The following SPAG16 variants were observed in gnomAD, a reference collection of about 807,000 sequenced individuals.
SPAG16 encodes sperm associated antigen 16.
In SPAG16, 86 loss-of-function variants were observed where a neutral mutation model predicts 80.4. The ratio of observed to expected loss-of-function variants is 1.07; its 90% CI spans 0.90 to 1.28. SPAG16 has a LOEUF of 1.28. Among genes scored for constraint, SPAG16 ranks in the 50% most tolerant of loss-of-function variants. SPAG16 has a pLI of 0.00. For synonymous variants in SPAG16, 294 were observed against 265.9 expected, an observed-to-expected ratio of 1.11 and a Z score of -1.03; for missense variants, 870 against 765.3, an observed-to-expected ratio of 1.14 and a Z score of -1.61.
chr2:213,355,765 C>A (rs1431974367), intron 7 of SPAG16, among the ~76,000 whole-genome samples: 1 of 152,130 alleles, frequency 6.6e-6, no homozygotes, highest in African/African-American at 2.4e-5. Flanking sequence ...AGATTTTGGG[C>A]TGAGATGATG....
chr2:213,405,575 CCTT>C (rs1220267984), intron 9 of SPAG16, among the ~76,000 whole-genome samples: 2 of 152,094 alleles, frequency 1.3e-5, no homozygotes, highest in Non-Finnish European at 2.9e-5. Context: ...AGAACTTATT[CCTT>C]CTATATAACT....
chr2:214,338,023 C>CT, intron 15 of SPAG16, among the ~76,000 whole-genome samples: 1 of 152,086 alleles, frequency 6.6e-6, no homozygotes, highest in Middle Eastern at 3.4e-3. Flanking sequence ...ATAACATACT[C>CT]TTTTTTTAGA....
rs903056900 is a variant in SPAG16, at chr2:214,063,517, C to T, written c.1528-44679C>T. On this transcript the variant is annotated intron_variant, in intron 13 of 15. Coordinates refer to ENST00000331683, the MANE Select transcript of SPAG16 (RefSeq NM_024532.5). ...GTCAACAATGGGGCAATTACTAGTT[C>T]CCTCCAGCTTTTTTATCAGGTCACT... Among the ~76,000 whole-genome samples, 16 of 152,064 alleles carry T rather than the reference C, an allele frequency of 1.1e-4. 1 individual carries two copies. The highest frequency in any genetic ancestry group is 2.1e-4 in the Non-Finnish European group (14 of 68,012).
At chr2:213,298,484 G>A (rs1394158338) in intron 3 of SPAG16, among the ~76,000 whole-genome samples, 1 of 152,126 alleles carries the variant, frequency 6.6e-6, no homozygotes. Context: ...CCACTCATTT[G>A]TATCGGTATT....
chr2:213,613,393 C>G (rs13029290), intron 10 of SPAG16, among the ~76,000 whole-genome samples: 40,696 of 152,130 alleles, frequency 0.27, 6,366 homozygotes, highest in Middle Eastern at 0.42. Flanking sequence ...GACCTTATCT[C>G]CTAATGCTCT....
At chr2:213,905,053 G>T (rs1034186320) in intron 11 of SPAG16, among the ~76,000 whole-genome samples, 1 of 152,130 alleles carries the variant, frequency 6.6e-6, no homozygotes, top group East Asian at 1.9e-4. Context: ...GAAGCTACTT[G>T]TACAATTCAG....
chr2:214,065,739 C>A (rs1004840706), intron 13 of SPAG16, among the ~76,000 whole-genome samples: 3 of 151,982 alleles, frequency 2.0e-5, no homozygotes, highest in Non-Finnish European at 4.4e-5. Flanking sequence ...ATGTGAGGGC[C>A]TGGTTAAAAT....
At chr2:214,262,448 A>G (rs553361960) in intron 15 of SPAG16, among the ~76,000 whole-genome samples, 1 of 152,052 alleles carries the variant, frequency 6.6e-6, no homozygotes, top group Admixed American at 6.6e-5. Context: ...TCATTATCTT[A>G]ACAATAATGT....
intron 15 of SPAG16, among the ~76,000 whole-genome samples, chr2:214,164,925 T>A (rs1002487718): frequency 6.6e-6 from 1 of 152,042 alleles, no homozygotes; most frequent in Non-Finnish European, 1.5e-5. Flanking sequence ...TAATGAAAAA[T>A]TTTGTAAACT....
At chr2:214,160,054 A>G (rs1243626069) in intron 15 of SPAG16, among the ~76,000 whole-genome samples, 6 of 151,992 alleles carry the variant, frequency 3.9e-5, no homozygotes, top group African/African-American at 4.8e-5. Flanking sequence ...GCAAATTGAA[A>G]CAATAGACAT....
At chr2:213,781,966 T>C (rs2070007983) in intron 10 of SPAG16, among the ~76,000 whole-genome samples, 1 of 152,190 alleles carries the variant, frequency 6.6e-6, no homozygotes, top group South Asian at 2.1e-4. Flanking sequence ...ACGTTTTCTA[T>C]AGCAATAACT....
intron 13 of SPAG16, among the ~76,000 whole-genome samples, chr2:214,027,055 A>T (rs1049206558): frequency 2.6e-5 from 4 of 151,456 alleles, no homozygotes; most frequent in Non-Finnish European, 5.9e-5. Context: ...TTATTTTTAG[A>T]TTTTTTTCAT....
intron 10 of SPAG16, among the ~76,000 whole-genome samples, chr2:213,761,517 A>G (rs763797171): frequency 1.3e-5 from 2 of 152,166 alleles, no homozygotes; most frequent in Non-Finnish European, 1.5e-5. Context: ...AGCTAAATAA[A>G]CTAATAAAAA....
intron 12 of SPAG16, among the ~76,000 whole-genome samples, chr2:213,947,923 CTA>C (rs1292951621): frequency 6.6e-6 from 1 of 151,942 alleles, no homozygotes; most frequent in East Asian, 1.9e-4. Flanking sequence ...TTTGACTGTT[CTA>C]TTTTCCTTGT....
chr2:213,911,453 C>T (rs117964843), intron 11 of SPAG16, among the ~76,000 whole-genome samples: 3 of 152,290 alleles, frequency 2.0e-5, no homozygotes, highest in Non-Finnish European at 4.4e-5. Context: ...CCAATAGTTA[C>T]AAGCTCTTAT....
intron 13 of SPAG16, among the ~76,000 whole-genome samples, chr2:214,103,967 G>A (rs1378150714): frequency 3.3e-5 from 3 of 89,788 alleles, no homozygotes; most frequent in Non-Finnish European, 8.1e-5. Context: ...GAGACAGTGA[G>A]AGAGGGAGGG....
chr2:214,021,077 C>T (rs1307542034), intron 13 of SPAG16, among the ~76,000 whole-genome samples: 3 of 152,126 alleles, frequency 2.0e-5, no homozygotes, highest in South Asian at 2.1e-4. Context: ...TGCCTATTAT[C>T]ACAAAAAAGG....
intron 10 of SPAG16, among the ~76,000 whole-genome samples, chr2:213,837,146 C>T (rs1354683402): frequency 6.6e-6 from 1 of 152,076 alleles, no homozygotes; most frequent in Non-Finnish European, 1.5e-5. Context: ...TTATGAATAC[C>T]ATATTATAGG....
At chr2:213,867,030 CTGAT>C (rs1441188194) in intron 11 of SPAG16, among the ~76,000 whole-genome samples, 4 of 152,052 alleles carry the variant, frequency 2.6e-5, no homozygotes, top group Non-Finnish European at 4.4e-5. Flanking sequence ...ATACACATAA[CTGAT>C]TATTTCTATC....
Sources: gnomAD v4.1 joint callset for allele counts (sites outside exome capture counted in the v4.1 genomes callset) on GRCh38, gnomAD v4.1.1 for gene constraint, MANE v1.5 for transcripts, NCBI Gene and HGNC (gene_info 2026-07-23, HGNC 2026-07-21) for gene names.